Variants in MLPH observed in about 807,000 individuals in gnomAD.
MLPH encodes the protein exophilin-3.
A neutral mutation model predicts 72.1 loss-of-function variants in MLPH; 51 were observed. That is an observed-to-expected ratio of 0.71 (90% CI 0.56 to 0.89). The LOEUF (loss-of-function observed/expected upper bound fraction) is 0.89, where lower values mean the gene tolerates loss of function less well. Among genes scored for constraint, MLPH ranks in the 40% least tolerant of loss-of-function variants. MLPH has a pLI of 0.00. For missense variants in MLPH, 743 were observed against 759.9 expected, an observed-to-expected ratio of 0.98 and a Z score of 0.26; for synonymous variants, 301 against 310.1, an observed-to-expected ratio of 0.97 and a Z score of 0.31.
At chr2:237,527,298 T>C in intron 7 of MLPH, 79 bp from the exon 8 acceptor site, 1 of 1,580,152 alleles carries the variant, frequency 6.3e-7, no homozygotes, top group South Asian at 1.1e-5. Flanking sequence ...TGAGCCTCAT[T>C]TTTCTTCATT....
intron 7 of MLPH, 39 bp from the exon 8 acceptor site, chr2:237,527,338 T>C: frequency 6.2e-7 from 1 of 1,614,056 alleles, no homozygotes; most frequent in Non-Finnish European, 8.5e-7. Flanking sequence ...GCTTTCAGGT[T>C]TTCACTGCAA....
At chr2:237,489,944 C>A (rs567562399) in intron 1 of MLPH, among the ~76,000 whole-genome samples, 2 of 152,360 alleles carry the variant, frequency 1.3e-5, no homozygotes, top group African/African-American at 4.8e-5. Context: ...CTATTAATCC[C>A]TGTGTCCCGT....
At chr2:237,508,064 TA>T (rs1168084454) in intron 2 of MLPH, among the ~76,000 whole-genome samples, 1 of 152,202 alleles carries the variant, frequency 6.6e-6, no homozygotes, top group African/African-American at 2.4e-5. Context: ...TCATAACTTT[TA>T]GGGTTTCATC....
chr2:237,506,221 A>G (rs2079768150), intron 2 of MLPH, among the ~76,000 whole-genome samples: 1 of 152,250 alleles, frequency 6.6e-6, no homozygotes, highest in Non-Finnish European at 1.5e-5. Context: ...ATATTTATTT[A>G]TTCACTCATT....
At chr2:237,537,190 T>G (rs1051058623) in intron 9 of MLPH, among the ~76,000 whole-genome samples, 1 of 152,226 alleles carries the variant, frequency 6.6e-6, no homozygotes, top group Non-Finnish European at 1.5e-5. Flanking sequence ...TGTCCCGCCA[T>G]GCTGGTTCAG....
rs2080649222 is a variant in MLPH at position 237,540,456 on chromosome 2, G to T, written c.1213G>T (p.Glu405Ter). 6.2e-7 allele frequency: 1 copy of T among 1,612,818 alleles called. No individual in the cohort carries two copies. The highest frequency in any genetic ancestry group is 1.3e-5 in the African/African-American group (1 of 74,878). ...NVSDQETSSE[E>*]EEAKDEKAEP... Reference sequence around the variant, plus strand: ...CAGTGACCAGGAGACCTCGTCCGAGGAGGAGGAAGCCAAGGACGAAAAGGC... The same window carrying T: ...CAGTGACCAGGAGACCTCGTCCGAGTAGGAGGAAGCCAAGGACGAAAAGGC... Residue 405 changes from glutamate to a stop codon, truncating the protein, a stop_gained, in exon 10 of 16, where the codon GAG (glutamate) becomes TAG (stop). Coordinates refer to ENST00000264605, the MANE Select transcript of MLPH (RefSeq NM_024101.7). LOFTEE classifies it high-confidence loss of function.
chr2:237,552,188 CT>C (rs2081053236), intron 14 of MLPH, 148 bp from the exon 15 acceptor site: 1 of 653,096 alleles, frequency 1.5e-6, no homozygotes. Context: ...AATGTAAATA[CT>C]TTTTAAAAAA....
intron 8 of MLPH, among the ~76,000 whole-genome samples, chr2:237,534,324 T>G (rs2080486783): frequency 1.3e-5 from 2 of 152,122 alleles, no homozygotes; most frequent in Admixed American, 1.3e-4. Flanking sequence ...TCTCCTCCAC[T>G]TTCACCCTCC....
chr2:237,539,058 C>T (rs192912327), intron 9 of MLPH, among the ~76,000 whole-genome samples: 87 of 152,102 alleles, frequency 5.7e-4, no homozygotes, highest in African/African-American at 1.8e-3. Flanking sequence ...CGGGTGGGCG[C>T]GCAGAGGCTG....
At chr2:237,518,027 G>A (rs2080088818) in intron 4 of MLPH, 1 of 261,934 alleles carries the variant, frequency 3.8e-6, no homozygotes, top group South Asian at 4.3e-5. Context: ...GAAGGAGGGA[G>A]GGGTGGATGG....
Position 237,551,482 on chromosome 2 carries a change from GACA to G in MLPH, c.1676-852_1676-850del, listed in dbSNP as rs544800345. ...CCCACAGTCAGCTCTCAGGAGCCCT[GACA>G]ACTGGCTCCAGTCAGGCAGGCCACA... On this transcript the variant is annotated intron_variant, in intron 14 of 15. Transcript: ENST00000264605. Among the ~76,000 whole-genome samples, 33 of 152,374 alleles carry G rather than the reference GACA, an allele frequency of 2.2e-4. No homozygotes were observed. The South Asian group carries it at 5.6e-3, about 26-fold the overall frequency.
Position 237,541,051 on chromosome 2 carries a change from A to G in MLPH, c.1446+94A>G. 1 of 1,469,802 alleles carries G rather than the reference A, an allele frequency of 6.8e-7. No individual in the cohort carries two copies. Among genetic ancestry groups the G allele is most frequent in the Non-Finnish European group, 9.3e-7 (1 of 1,076,178 alleles). 91.0% of individuals were successfully genotyped at this position (1,469,802 alleles called of 1,614,324 possible). On this transcript the variant is annotated intron_variant, in intron 11 of 15. Coordinates refer to ENST00000264605, the MANE Select transcript of MLPH (RefSeq NM_024101.7). The surrounding 1 kb of genome is among the most constrained non-coding windows in gnomAD (Gnocchi z 5.1). ...ACATCTGCCAGCTCTAACATCCGCC[A>G]GCTCACACTGAGCCCTCCCCATTGG...
chr2:237,497,457 G>A (rs540178593), intron 2 of MLPH, among the ~76,000 whole-genome samples: 17 of 152,320 alleles, frequency 1.1e-4, no homozygotes, highest in East Asian at 3.9e-4. Flanking sequence ...CAGGTGCCTC[G>A]TGAGCCCCGG....
chr2:237,500,402 G>A (rs546781602), intron 2 of MLPH, among the ~76,000 whole-genome samples: 2 of 152,326 alleles, frequency 1.3e-5, no homozygotes, highest in African/African-American at 2.4e-5. Flanking sequence ...AGGCTATGGA[G>A]CACCAGAAGT....
chr2:237,486,410 A>T (rs181388496), upstream of MLPH: 1 of 152,296 alleles, frequency 6.6e-6, no homozygotes, highest in East Asian at 1.9e-4. Context: ...CCTAATGTCC[A>T]TTGGAATTCG....
rs1294802962 is a variant in MLPH at position 237,554,501 on chromosome 2, T to C, written c.*909T>C. On this transcript the variant is annotated 3_prime_UTR_variant, in exon 16 of 16. Transcript: ENST00000264605. ...GATGATCTCTCAGACAGGCTGGGAC[T>C]CAGAGTTATTTCCTAGTATCGGTGT... 2 of 153,566 alleles carry C rather than the reference T, an allele frequency of 1.3e-5. No homozygotes were observed. Among genetic ancestry groups the C allele is most frequent in the African/African-American group, 4.8e-5 (2 of 41,440 alleles). 9.5% of individuals were successfully genotyped at this position (153,566 alleles called of 1,614,324 possible).
At chr2:237,527,711 CT>C (rs2080334234) in intron 8 of MLPH, 195 bp downstream of exon 8, 1 of 705,144 alleles carries the variant, frequency 1.4e-6, no homozygotes, top group Middle Eastern at 4.0e-4. Flanking sequence ...AATTAACCAT[CT>C]TAGTATGGCC....
chr2:237,527,208 C>G (rs1055820927), intron 7 of MLPH, 169 bp from the exon 8 acceptor site: 2 of 782,408 alleles, frequency 2.6e-6, no homozygotes, highest in African/African-American at 3.4e-5. Flanking sequence ...TTGTGTGTGG[C>G]TGTGGAATCT....
chr2:237,526,475 C>G (rs961350685), intron 7 of MLPH, among the ~76,000 whole-genome samples: 1 of 152,100 alleles, frequency 6.6e-6, no homozygotes, highest in Non-Finnish European at 1.5e-5. Context: ...CTCATGCTGA[C>G]GGGGACCTTG....
Sources: gnomAD v4.1 joint callset for allele counts (sites outside exome capture counted in the v4.1 genomes callset) on GRCh38, gnomAD v4.1.1 for gene constraint, Gnocchi (gnomAD v3.1) non-coding constraint, MANE v1.5 for transcripts, NCBI Gene and HGNC (gene_info 2026-07-23, HGNC 2026-07-21) for gene names.